MALL: variants seen among roughly 807,000 people sequenced by gnomAD.
MALL encodes mal, T cell differentiation protein like, also known as MAL-like protein.
MALL carries 2 observed loss-of-function variants against 10.3 expected under a neutral mutation model. The observed-to-expected ratio is 0.19, with a 90% CI of 0.08 to 0.61. The LOEUF (loss-of-function observed/expected upper bound fraction) is 0.61, where lower values mean the gene tolerates loss of function less well. Among genes scored for constraint, MALL ranks in the 20% least tolerant of loss-of-function variants. MALL has a pLI of 0.88. For synonymous variants in MALL, 27 were observed against 51.8 expected, an observed-to-expected ratio of 0.52 and a Z score of 2.05; for missense variants, 39 against 115.2, an observed-to-expected ratio of 0.34 and a Z score of 3.03.
At chr2:110,112,793 T>C (rs1357671293) in intron 1 of MALL, among the ~76,000 whole-genome samples, 1 of 151,788 alleles carries the variant, frequency 6.6e-6, no homozygotes, top group Non-Finnish European at 1.5e-5. Context: ...CACATGTTTA[T>C]AGCAGCACAA....
In MALL at chr2:110,096,710, TACACACACACACAC is replaced by T. The variant is rs61332655; in HGVS notation, c.106-4954_106-4941del. Among the ~76,000 whole-genome samples the T allele has an allele frequency of 5.0e-5, 7 of 140,866 alleles. No homozygotes were observed. The East Asian group carries it at 6.3e-4, about 13-fold the overall frequency. The allele number at this position is 140,866 out of a possible 152,430, so 92.4% of individuals were successfully genotyped here. On this transcript the variant is annotated intron_variant, in intron 1 of 3. Transcript: ENST00000272462. ...CTTTGGTCACCAAGAAAAATGTACCTACACACACACACACACACACACACACACACACAATTTTT... is the reference window on the plus strand; with the variant it reads ...CTTTGGTCACCAAGAAAAATGTACCTACACACACACACACACACAATTTTT...
At chr2:110,111,710 C>T (rs1424976855) in intron 1 of MALL, among the ~76,000 whole-genome samples, 1 of 151,748 alleles carries the variant, frequency 6.6e-6, no homozygotes, top group East Asian at 1.9e-4. Context: ...CACCATCATT[C>T]TTCACAGAAT....
chr2:110,116,936 C>G (rs1202857474), upstream of MALL, among the ~76,000 whole-genome samples: 1 of 152,100 alleles, frequency 6.6e-6, no homozygotes, highest in Non-Finnish European at 1.5e-5. Context: ...TTAGCAGAAA[C>G]GGTGAATGCC....
upstream of MALL, among the ~76,000 whole-genome samples, chr2:110,117,614 TGTGTGTGTGTGAGA>T (rs1247805277): frequency 9.7e-5 from 13 of 134,174 alleles, no homozygotes; most frequent in East Asian, 2.3e-3. Flanking sequence ...TGTGTGTGTG[TGTGTGTGTGTGAGA>T]GAGAGAGAGA....
intron 1 of MALL, among the ~76,000 whole-genome samples, chr2:110,114,837 C>T (rs1021276109): frequency 6.6e-6 from 1 of 151,922 alleles, no homozygotes; most frequent in Non-Finnish European, 1.5e-5. Context: ...TCAGAAGGTG[C>T]TGGAAAAAGA....
chr2:110,105,044 C>G (rs1559032020), intron 1 of MALL, among the ~76,000 whole-genome samples: 1 of 152,328 alleles, frequency 6.6e-6, no homozygotes, highest in East Asian at 1.9e-4. Flanking sequence ...AGTCCACATT[C>G]AAACCCCACA....
intron 1 of MALL, among the ~76,000 whole-genome samples, chr2:110,095,739 A>T (rs1481092788): frequency 1.3e-5 from 2 of 152,120 alleles, no homozygotes; most frequent in Admixed American, 1.3e-4. Flanking sequence ...GGGTAAAAAC[A>T]CCCAGATTGG....
rs919464432 is a variant in MALL, at chr2:110,115,613, C to T, written c.105+75G>A. 7 of 804,638 alleles carry T rather than the reference C, an allele frequency of 8.7e-6. No individual in the cohort carries two copies. The East Asian group carries it at 1.5e-4, about 17-fold the overall frequency. 49.8% of individuals were successfully genotyped at this position (804,638 alleles called of 1,614,324 possible). The stretch of plus-strand genomic sequence containing the variant: ...GGTCCGGTCTGGGTCTCTCTCTTCT[C>T]GGTCCGGTCTGGGTCCGAGGCCGGT... On this transcript the variant is annotated intron_variant, in intron 1 of 3. Coordinates refer to ENST00000272462, the MANE Select transcript of MALL (RefSeq NM_005434.5).
At chr2:110,101,952 A>G (rs1166224375) in intron 1 of MALL, among the ~76,000 whole-genome samples, 1 of 152,114 alleles carries the variant, frequency 6.6e-6, no homozygotes, top group Non-Finnish European at 1.5e-5. Flanking sequence ...AGGGGAAGGC[A>G]TCCTGCTCCC....
At chr2:110,100,310 C>G (rs764177218) in intron 1 of MALL, among the ~76,000 whole-genome samples, 44 of 152,082 alleles carry the variant, frequency 2.9e-4, no homozygotes, top group Non-Finnish European at 5.7e-4. Flanking sequence ...GAGATACTGT[C>G]TCTAGAAAAC....
At chr2:110,100,976 C>A (rs1168096016) in intron 1 of MALL, among the ~76,000 whole-genome samples, 9 of 152,066 alleles carry the variant, frequency 5.9e-5, no homozygotes, top group Admixed American at 2.0e-4. Flanking sequence ...CCCCAAGTGC[C>A]ACAGCTGGAG....
intron 1 of MALL, among the ~76,000 whole-genome samples, chr2:110,108,130 T>C (rs1678732423): frequency 6.6e-6 from 1 of 152,040 alleles, no homozygotes; most frequent in Non-Finnish European, 1.5e-5. Context: ...ACAAGGATCT[T>C]CAATACCCCC....
At chr2:110,105,327 C>G (rs1678664631) in intron 1 of MALL, among the ~76,000 whole-genome samples, 1 of 152,216 alleles carries the variant, frequency 6.6e-6, no homozygotes, top group Admixed American at 6.5e-5. Flanking sequence ...CCCTTTTCAT[C>G]TTCTCTCCTG....
chr2:110,115,828 G>A (rs553965520), upstream of MALL: 16 of 1,035,932 alleles, frequency 1.5e-5, no homozygotes, highest in East Asian at 3.3e-4. Context: ...GCGGCAGCTC[G>A]CCCGCGCGCA....
At chr2:110,100,410 C>T (rs1317175142) in intron 1 of MALL, among the ~76,000 whole-genome samples, 1 of 151,962 alleles carries the variant, frequency 6.6e-6, no homozygotes, top group East Asian at 1.9e-4. Flanking sequence ...GAGTTCGAGG[C>T]TGCAGTGAAC....
At chr2:110,117,620 TGTGTGAGAGAGAGAGAGA>T (rs1256440019), upstream of MALL, among the ~76,000 whole-genome samples, 8 of 133,268 alleles carry the variant, frequency 6.0e-5, no homozygotes, top group African/African-American at 1.4e-4. Flanking sequence ...TGTGTGTGTG[TGTGTGAGAGAGAGAGAGA>T]GAGAGAGAGA....
At chr2:110,115,893 G>GA (rs397872304), upstream of MALL, 118,667 of 350,116 alleles carry the variant, frequency 0.34, 8,229 homozygotes, top group East Asian at 0.47. Flanking sequence ...GCCTGGGAGG[G>GA]AAAAAAAAAA....
intron 1 of MALL, among the ~76,000 whole-genome samples, chr2:110,107,893 C>T (rs1301776402): frequency 1.3e-5 from 2 of 152,156 alleles, no homozygotes; most frequent in Admixed American, 1.3e-4. Context: ...AGTACCAGCC[C>T]AGAGCCAGGT....
intron 1 of MALL, among the ~76,000 whole-genome samples, chr2:110,103,904 T>A (rs1678632275): frequency 1.3e-5 from 2 of 152,072 alleles, no homozygotes; most frequent in Admixed American, 6.6e-5. Context: ...GTTCCCAGCA[T>A]CTCTCTGCTG....
Sources: gnomAD v4.1 joint callset for allele counts (sites outside exome capture counted in the v4.1 genomes callset) on GRCh38, gnomAD v4.1.1 for gene constraint, MANE v1.5 for transcripts, NCBI Gene and HGNC (gene_info 2026-07-23, HGNC 2026-07-21) for gene names.